Variants in CTNND2 observed in about 807,000 individuals in gnomAD.
CTNND2 encodes catenin delta 2.
A neutral mutation model predicts 144.4 loss-of-function variants in CTNND2; 22 were observed. The observed-to-expected ratio is 0.15, with a 90% CI of 0.11 to 0.22. The LOEUF is 0.22. Ranked by LOEUF, CTNND2 falls within the 10% of genes least tolerant of loss-of-function variation. The pLI is 1.00. For missense variants in CTNND2, 1,353 were observed against 1,618.8 expected (o/e 0.84, Z 2.82); for synonymous variants, 751 against 695.6 (o/e 1.08, Z -1.25).
At chr5:11,800,861 A>G (rs1325031560) in intron 1 of CTNND2, among the ~76,000 whole-genome samples, 4 of 152,174 alleles carry the variant, frequency 2.6e-5, no homozygotes, top group African/African-American at 9.7e-5. Context: ...ATAAATCACA[A>G]AATACATTTT....
intron 2 of CTNND2, among the ~76,000 whole-genome samples, chr5:11,641,687 CGT>C (rs10573416): frequency 0.051 from 5,841 of 115,032 alleles, 466 homozygotes; most frequent in African/African-American, 0.14. Context: ...TATACATATA[CGT>C]GTGTGTATAT....
chr5:11,479,203 T>G (rs1337297587), intron 3 of CTNND2, among the ~76,000 whole-genome samples: 1 of 152,190 alleles, frequency 6.6e-6, no homozygotes, highest in Non-Finnish European at 1.5e-5. Context: ...TTCGTGTCCA[T>G]GTGTTCTCAT....
intron 8 of CTNND2, among the ~76,000 whole-genome samples, chr5:11,349,148 C>A (rs776608972): frequency 6.6e-6 from 1 of 151,902 alleles, no homozygotes; most frequent in African/African-American, 2.4e-5. Context: ...TTAATTTCAA[C>A]CCAGGAAAAG....
At chr5:11,486,317 A>G (rs1055485714) in intron 3 of CTNND2, among the ~76,000 whole-genome samples, 1 of 152,198 alleles carries the variant, frequency 6.6e-6, no homozygotes, top group Non-Finnish European at 1.5e-5. Context: ...CTAGGTGATA[A>G]TATCCAGTAG....
intron 9 of CTNND2, among the ~76,000 whole-genome samples, chr5:11,336,873 T>C (rs1036456469): frequency 1.1e-4 from 16 of 152,030 alleles, no homozygotes; most frequent in African/African-American, 3.9e-4. Flanking sequence ...CACACATAAC[T>C]TTCTTTAATA....
chr5:11,741,834 T>G (rs1186658744), intron 1 of CTNND2, among the ~76,000 whole-genome samples: 1 of 148,192 alleles, frequency 6.7e-6, no homozygotes, highest in Non-Finnish European at 1.5e-5. Context: ...TATAGTAGTA[T>G]TCATATATAT....
At chr5:11,879,702 T>C (rs1233498245) in intron 1 of CTNND2, among the ~76,000 whole-genome samples, 1 of 152,120 alleles carries the variant, frequency 6.6e-6, no homozygotes, top group African/African-American at 2.4e-5. Context: ...AAACTATAGG[T>C]TCGCAAAGAG....
intron 1 of CTNND2, among the ~76,000 whole-genome samples, chr5:11,820,633 A>C (rs1793259680): frequency 6.6e-6 from 1 of 152,210 alleles, no homozygotes; most frequent in African/African-American, 2.4e-5. Context: ...CCTTTATGAT[A>C]ATTTACACAA....
intron 3 of CTNND2, among the ~76,000 whole-genome samples, chr5:11,563,465 C>G (rs528097134): frequency 3.9e-5 from 6 of 152,316 alleles, no homozygotes; most frequent in African/African-American, 1.4e-4. Flanking sequence ...TCCCTAAATT[C>G]ACCACCTTCA....
chr5:11,795,965 T>C (rs1382462646), intron 1 of CTNND2, among the ~76,000 whole-genome samples: 1 of 152,186 alleles, frequency 6.6e-6, no homozygotes, highest in Admixed American at 6.5e-5. Flanking sequence ...AGAATCTGTT[T>C]CCTTGTCTTT....
chr5:11,569,581 A>C (rs1361924638), intron 2 of CTNND2, among the ~76,000 whole-genome samples: 3 of 152,142 alleles, frequency 2.0e-5, no homozygotes, highest in Non-Finnish European at 4.4e-5. Context: ...CTAACTTAGT[A>C]TGAAAACTGA....
At chr5:11,550,732 T>C (rs1775680070) in intron 3 of CTNND2, among the ~76,000 whole-genome samples, 1 of 152,192 alleles carries the variant, frequency 6.6e-6, no homozygotes, top group Non-Finnish European at 1.5e-5. Flanking sequence ...TAACATTCCA[T>C]GATAGTTTCT....
chr5:11,614,780 G>T (rs1160376153), intron 2 of CTNND2, among the ~76,000 whole-genome samples: 1 of 152,164 alleles, frequency 6.6e-6, no homozygotes, highest in African/African-American at 2.4e-5. Flanking sequence ...ACATACACTT[G>T]AGAGTCCAGA....
intron 2 of CTNND2, among the ~76,000 whole-genome samples, chr5:11,590,537 T>C (rs1779168548): frequency 6.6e-6 from 1 of 152,104 alleles, no homozygotes; most frequent in Non-Finnish European, 1.5e-5. Context: ...TAATGTACTT[T>C]GTGATATTCC....
chr5:11,035,951 T>C (rs927201478), intron 16 of CTNND2, among the ~76,000 whole-genome samples: 2 of 152,194 alleles, frequency 1.3e-5, no homozygotes, highest in African/African-American at 2.4e-5. Flanking sequence ...CTGTGAACTT[T>C]CTACTGCAAA....
At chr5:11,703,663 G>C (rs989327268) in intron 2 of CTNND2, among the ~76,000 whole-genome samples, 1 of 152,230 alleles carries the variant, frequency 6.6e-6, no homozygotes, top group African/African-American at 2.4e-5. Context: ...CCCTCAGGGA[G>C]TAGACAATTT....
At chr5:11,284,661 C>A (rs1008797216) in intron 9 of CTNND2, among the ~76,000 whole-genome samples, 2 of 152,296 alleles carry the variant, frequency 1.3e-5, no homozygotes, top group South Asian at 2.1e-4. Context: ...TCCAGTTTAT[C>A]ATTGATGGGC....
At chr5:10,978,963 C>A (rs1736859530) in intron 21 of CTNND2, among the ~76,000 whole-genome samples, 1 of 152,224 alleles carries the variant, frequency 6.6e-6, no homozygotes, top group African/African-American at 2.4e-5. Context: ...TTGGAACCTA[C>A]TGCAGCCACT....
Position 11,616,154 on chromosome 5 carries a change from G to A in CTNND2, c.175-51098C>T, listed in dbSNP as rs148644797. On this transcript the variant is annotated intron_variant, in intron 2 of 21. Transcript: ENST00000304623. Reference sequence around the variant, plus strand: ...GCCAACTACATTTGCCTACTTACTCGCTGAGACAGCTTTTCTTTCCAATTT... The same window carrying A: ...GCCAACTACATTTGCCTACTTACTCACTGAGACAGCTTTTCTTTCCAATTT... Among the ~76,000 whole-genome samples the A allele has an allele frequency of 3.0e-3, 459 of 152,092 alleles. 2 individuals carry two copies. The highest frequency in any genetic ancestry group is 0.01 in the African/African-American group (433 of 41,488).
Sources: allele counts gnomAD v4.1 joint callset (sites outside exome capture counted in the v4.1 genomes callset), GRCh38; gene constraint gnomAD v4.1.1; transcripts MANE v1.5; gene names NCBI Gene and HGNC (gene_info 2026-07-23, HGNC 2026-07-21).